INPP5F: variants seen among roughly 807,000 people sequenced by gnomAD.
INPP5F encodes inositol polyphosphate-5-phosphatase F.
In INPP5F, 97 loss-of-function variants were observed where a neutral mutation model predicts 137.2. The observed-to-expected ratio is 0.71, with a 90% CI of 0.60 to 0.84. The LOEUF is 0.84. Ranked by LOEUF, INPP5F falls within the 40% of genes least tolerant of loss-of-function variation. The probability of loss-of-function intolerance (pLI) is 0.00; values close to 1 mark genes in which losing one functional copy is unlikely to be tolerated. For synonymous variants in INPP5F, 504 were observed against 476.9 expected, an observed-to-expected ratio of 1.06 and a Z score of -0.74; for missense variants, 1,271 against 1,371.9, an observed-to-expected ratio of 0.93 and a Z score of 1.16.
chr10:119,816,968 G>A (rs919122516), intron 15 of INPP5F, among the ~76,000 whole-genome samples: 9 of 152,166 alleles, frequency 5.9e-5, no homozygotes, highest in Non-Finnish European at 1.2e-4. Flanking sequence ...ACCACAAAGA[G>A]AAGCCCCGTA....
At chr10:119,795,880 A>G (rs1850359387) in intron 6 of INPP5F, among the ~76,000 whole-genome samples, 1 of 152,228 alleles carries the variant, frequency 6.6e-6, no homozygotes, top group Admixed American at 6.5e-5. Flanking sequence ...GCTGGAGACC[A>G]GCCCGGCCAA....
chr10:119,783,482 C>A (rs1849775197), intron 3 of INPP5F, among the ~76,000 whole-genome samples: 1 of 152,206 alleles, frequency 6.6e-6, no homozygotes, highest in Non-Finnish European at 1.5e-5. Flanking sequence ...AATTAAATGT[C>A]ACACATCATC....
intron 2 of INPP5F, among the ~76,000 whole-genome samples, chr10:119,779,233 A>G (rs1849623970): frequency 6.6e-6 from 1 of 152,312 alleles, no homozygotes; most frequent in Non-Finnish European, 1.5e-5. Flanking sequence ...TAAGAATGGT[A>G]CACCTGTATT....
chr10:119,789,615 T>C (rs771337866), intron 3 of INPP5F, among the ~76,000 whole-genome samples: 3 of 151,702 alleles, frequency 2.0e-5, no homozygotes, highest in Non-Finnish European at 4.4e-5. Flanking sequence ...CAACCTCTGG[T>C]TTTGGACATG....
intron 2 of INPP5F, among the ~76,000 whole-genome samples, chr10:119,754,700 C>G (rs971090676): frequency 3.3e-5 from 5 of 152,096 alleles, no homozygotes; most frequent in Non-Finnish European, 5.9e-5. Context: ...CTGCTTTTCC[C>G]TCCCTCCCAA....
At chr10:119,773,985 C>G (rs1393228411) in intron 2 of INPP5F, among the ~76,000 whole-genome samples, 2 of 152,128 alleles carry the variant, frequency 1.3e-5, no homozygotes, top group Admixed American at 1.3e-4. Flanking sequence ...AATTTCCTGG[C>G]CGGGCTCAGT....
chr10:119,742,592 A>T (rs1159173028), intron 1 of INPP5F, among the ~76,000 whole-genome samples: 1 of 152,224 alleles, frequency 6.6e-6, no homozygotes, highest in African/African-American at 2.4e-5. Context: ...CAAGAAAAAA[A>T]GGCATTTTGG....
chr10:119,737,242 C>G (rs1848241757), intron 1 of INPP5F, among the ~76,000 whole-genome samples: 1 of 152,142 alleles, frequency 6.6e-6, no homozygotes, highest in South Asian at 2.1e-4. Context: ...TGCCGCCTCC[C>G]TATATTATGA....
chr10:119,823,817 A>T lies in INPP5F; in HGVS notation c.2164A>T (p.Thr722Ser). ...MRNPEEDGKD[T>S]LQCIAEMLQI... ...AGGCAGTTATATTTGGGTTGCAGAT[A>T]CCCTTCAGTGCATTGCAGAGATGCT... Residue 722 changes from threonine to serine, a missense_variant and splice_region_variant, in exon 19 of 20, where the codon ACC becomes TCC. Physicochemically the swap from Thr to Ser is moderately conservative, Grantham distance 58 (BLOSUM62 1). This residue lies in a region of INPP5F where 593 missense variants were observed against 712.4 expected (regional missense o/e 0.83). Transcript: ENST00000650623. 6.2e-7 allele frequency: 1 copy of T among 1,612,314 alleles called. No homozygotes were observed. Among genetic ancestry groups the T allele is most frequent in the Non-Finnish European group, 8.5e-7 (1 of 1,179,052 alleles).
chr10:119,804,261 A>T lies in INPP5F; in HGVS notation c.1205A>T (p.His402Leu), dbSNP rs1422821083. The change falls in exon 10 of 20, where the codon CAC becomes CTC. Residue 402 changes from histidine to leucine, a missense_variant. Coordinates refer to ENST00000650623, the MANE Select transcript of INPP5F (RefSeq NM_014937.4). ...CAAGTGTTGCTTTTCAACAACTCAC[A>T]CCTCACTTACGTTTCGTTTGACTTC... Reference protein sequence around the residue: ...LKQVLLFNNSHLTYVSFDFHE... With the variant: ...LKQVLLFNNSLLTYVSFDFHE... 3 of 1,612,508 alleles carry T rather than the reference A, an allele frequency of 1.9e-6. No individual in the cohort carries two copies. Among genetic ancestry groups the T allele is most frequent in the South Asian group, 1.1e-5 (1 of 90,776 alleles).
At position 119,808,184 on chromosome 10, in the gene INPP5F, A is replaced by G. The variant is rs1850874719; in HGVS notation, c.1569+124A>G. On this transcript the variant is annotated intron_variant, in intron 13 of 19. Transcript: ENST00000650623. ...TGTGTGTAGTTGACTCTTTTCTGAAATGGTTGGCTAAGGCAGGGCCAGGTA... is the reference window on the plus strand; with the variant it reads ...TGTGTGTAGTTGACTCTTTTCTGAAGTGGTTGGCTAAGGCAGGGCCAGGTA... The G allele has an allele frequency of 1.0e-5, 12 of 1,203,854 alleles. No homozygotes were observed. In the African/African-American group the frequency reaches 1.5e-4, roughly 15 times the overall value. 74.6% of individuals were successfully genotyped at this position (1,203,854 alleles called of 1,614,324 possible).
In INPP5F at chr10:119,798,557, G is replaced by C. The variant is rs1397961550; in HGVS notation, c.1063G>C (p.Val355Leu). ...CTTCTTTGTAGGTGAAAAGGAAACTGTTGCCTATTTCTGTGCCCATTTCGA... is the reference window on the plus strand; with the variant it reads ...CTTCTTTGTAGGTGAAAAGGAAACTCTTGCCTATTTCTGTGCCCATTTCGA... ...PRLDRSEKETVAYFCAHFEEQ... is the reference protein window; with the variant it reads ...PRLDRSEKETLAYFCAHFEEQ... The change falls in exon 9 of 20, where the codon GTT becomes CTT. Residue 355 changes from valine to leucine, a missense_variant. This residue lies in a region of INPP5F where 593 missense variants were observed against 712.4 expected (regional missense o/e 0.83). Coordinates refer to ENST00000650623, the MANE Select transcript of INPP5F (RefSeq NM_014937.4). The C allele has an allele frequency of 6.2e-7, 1 of 1,612,050 alleles. No homozygotes were observed. The highest frequency in any genetic ancestry group is 2.2e-5 in the East Asian group (1 of 44,722).
chr10:119,792,333 A>G (rs1850176810), intron 6 of INPP5F, 120 bp downstream of exon 6: 1 of 727,924 alleles, frequency 1.4e-6, no homozygotes, highest in Non-Finnish European at 2.2e-6. Context: ...ATTTTTAAAG[A>G]TCACTACGTT....
At chr10:119,792,420 C>T (rs567814670) in intron 6 of INPP5F, among the ~76,000 whole-genome samples, 3 of 152,292 alleles carry the variant, frequency 2.0e-5, no homozygotes, top group East Asian at 1.9e-4. Context: ...TTCACTGCCT[C>T]GTCACAGGCC....
At chr10:119,798,786 CTTTTT>C (rs374141329) in intron 9 of INPP5F, among the ~76,000 whole-genome samples, 176 bp downstream of exon 9, 6 of 100,708 alleles carry the variant, frequency 6.0e-5, no homozygotes, top group African/African-American at 1.4e-4. Flanking sequence ...GAGTCAGCTA[CTTTTT>C]TTTTTTTTTT....
At chr10:119,789,694 G>T (rs1850067799) in intron 3 of INPP5F, among the ~76,000 whole-genome samples, 1 of 152,030 alleles carries the variant, frequency 6.6e-6, no homozygotes, top group South Asian at 2.1e-4. Flanking sequence ...AGTTTTGGGA[G>T]AGAGCTGGGC....
In INPP5F at chr10:119,827,050, C is replaced by G. The variant is rs1851790562; in HGVS notation, c.2669C>G (p.Pro890Arg). The G allele has an allele frequency of 6.2e-7, 1 of 1,613,988 alleles. No homozygotes were observed. Among genetic ancestry groups the G allele is most frequent in the Non-Finnish European group, 8.5e-7 (1 of 1,179,978 alleles). ...GTAGGGCCAATAGATTACGTTCTTC[C>G]TAGTTGTGGTATTATTGCCTCAGCG... is the stretch of plus-strand genomic sequence containing the variant. ...ESVGPIDYVL[P>R]SCGIIASAPR... is the part of the protein sequence containing the mutation. Residue 890 changes from proline (P) to arginine (R), a missense_variant, in exon 20 of 20, where the codon CCT (proline) becomes CGT (arginine). Pro to Arg is a moderately radical substitution (Grantham distance 103, BLOSUM62 -2). Transcript: ENST00000650623.
chr10:119,804,401 TCTC>T, intron 10 of INPP5F, 104 bp downstream of exon 10: 1 of 1,009,886 alleles, frequency 9.9e-7, no homozygotes, highest in East Asian at 2.7e-5. Flanking sequence ...AAAAATTTCT[TCTC>T]ATTGTTGGAA....
chr10:119,737,231 A>T (rs550755023), intron 1 of INPP5F, among the ~76,000 whole-genome samples: 1 of 152,260 alleles, frequency 6.6e-6, no homozygotes, highest in East Asian at 1.9e-4. Context: ...ACCAGCTTTT[A>T]TGCCGCCTCC....
Sources: allele counts gnomAD v4.1 joint callset (sites outside exome capture counted in the v4.1 genomes callset), GRCh38; gene constraint gnomAD v4.1.1; regional missense constraint gnomAD v4.1.1; transcripts MANE v1.5; gene names NCBI Gene and HGNC (gene_info 2026-07-23, HGNC 2026-07-21).